Variants in DIDO1 observed in about 807,000 individuals in gnomAD.
DIDO1 encodes death-inducer obliterator 1.
DIDO1 carries 16 observed loss-of-function variants against 99.4 expected under a neutral mutation model. The ratio of observed to expected loss-of-function variants is 0.16; its 90% CI spans 0.11 to 0.24. The LOEUF is 0.24. DIDO1 is among the 10% of genes least tolerant of loss of function. The probability of loss-of-function intolerance (pLI) is 1.00; values close to 1 mark genes in which losing one functional copy is unlikely to be tolerated. For missense variants in DIDO1, 2,996 were observed against 3,014.0 expected (o/e 0.99, Z 0.14); for synonymous variants, 1,366 against 1,239.1 (o/e 1.10, Z -2.15).
intron 1 of DIDO1, among the ~76,000 whole-genome samples, chr20:62,935,994 G>A (rs955999078): frequency 2.0e-5 from 3 of 152,232 alleles, no homozygotes; most frequent in African/African-American, 7.2e-5. Flanking sequence ...TTGGGAGGAG[G>A]AGCATTAACC....
chr20:62,905,830 T>C, intron 6 of DIDO1, 57 bp downstream of exon 6: 1 of 1,613,998 alleles, frequency 6.2e-7, no homozygotes, highest in African/African-American at 1.3e-5. Flanking sequence ...GCCCAGGGGA[T>C]GGCTATCCAG....
chr20:62,882,552 T>C (rs904178937), intron 15 of DIDO1, 138 bp from the exon 16 acceptor site: 67 of 890,698 alleles, frequency 7.5e-5, no homozygotes, highest in Non-Finnish European at 1.1e-4. Flanking sequence ...TAAGATCAAG[T>C]GTCAAGACAG....
chr20:62,925,628 C>A (rs1259152468), intron 1 of DIDO1, among the ~76,000 whole-genome samples: 1 of 152,204 alleles, frequency 6.6e-6, no homozygotes, highest in African/African-American at 2.4e-5. Flanking sequence ...TATTAAAGTC[C>A]TTTATTTAGA....
In DIDO1 at chr20:62,880,292, C is replaced by G. The variant is rs759703791; in HGVS notation, c.5664G>C (p.Gln1888His). The change falls in exon 16 of 16, where the codon CAG becomes CAC. Residue 1888 changes from glutamine (Q) to histidine (H), a missense_variant. Physicochemically the swap from Gln to His is conservative, Grantham distance 24. This residue lies in a region of DIDO1 where 1,562 missense variants were observed against 1,412.6 expected (regional missense o/e 1.11). Transcript: ENST00000395343. ...FLGSRGGAPFQFGGQRRPLLS... is the reference protein window; with the variant it reads ...FLGSRGGAPFHFGGQRRPLLS... ...GCAGTGGCCTTCTCTGGCCTCCGAACTGGAAAGGCGCGCCGCCTCTGCTTC... is the reference window on the plus strand; with the variant it reads ...GCAGTGGCCTTCTCTGGCCTCCGAAGTGGAAAGGCGCGCCGCCTCTGCTTC... 1.2e-6 allele frequency: 2 copies of G among 1,612,786 alleles called. No individual in the cohort carries two copies. The highest frequency in any genetic ancestry group is 8.5e-7 in the Non-Finnish European group (1 of 1,179,966).
intron 2 of DIDO1, among the ~76,000 whole-genome samples, chr20:62,913,843 C>T (rs2064991821): frequency 6.6e-6 from 1 of 152,214 alleles, no homozygotes; most frequent in Non-Finnish European, 1.5e-5. Context: ...ACTGGGTTCT[C>T]ATTAAAGAGA....
chr20:62,930,266 C>T (rs965072472), upstream of DIDO1, among the ~76,000 whole-genome samples: 1 of 151,762 alleles, frequency 6.6e-6, no homozygotes, highest in African/African-American at 2.4e-5. Flanking sequence ...GCAAATGCTA[C>T]GTTTGTGCAT....
intron 12 of DIDO1, 48 bp from the exon 13 acceptor site, chr20:62,893,010 G>A (rs1568841594): frequency 2.6e-6 from 4 of 1,548,574 alleles, no homozygotes; most frequent in Non-Finnish European, 2.6e-6. Flanking sequence ...TCTGTGCAAT[G>A]AGAATTTCAA....
intron 1 of DIDO1, among the ~76,000 whole-genome samples, chr20:62,916,037 A>G (rs1259832266): frequency 2.0e-5 from 3 of 152,186 alleles, no homozygotes; most frequent in African/African-American, 4.8e-5. Context: ...AAAATTTACT[A>G]TAACATTTCA....
upstream of DIDO1, among the ~76,000 whole-genome samples, chr20:62,927,745 T>C (rs1184442056): frequency 1.3e-5 from 2 of 152,244 alleles, no homozygotes; most frequent in Non-Finnish European, 2.9e-5. Flanking sequence ...CCGCTGAAGA[T>C]TACAGGGTCT....
chr20:62,909,877 G>A lies in DIDO1; in HGVS notation c.983C>T (p.Thr328Ile). 1 of 1,614,188 alleles carries A rather than the reference G, an allele frequency of 6.2e-7. No individual in the cohort carries two copies. The highest frequency in any genetic ancestry group is 2.2e-5 in the East Asian group (1 of 44,884). The change falls in exon 4 of 16, where the codon ACT becomes ATT. Residue 328 changes from threonine to isoleucine, a missense_variant. Thr to Ile is a moderately conservative substitution (Grantham distance 89). Transcript: ENST00000395343. ...NCTILQVQDE[T>I]HSETADQQEA... ...CTGCTGATCTGCCGTTTCTGAATGAGTCTCATCCTGCACTTGCAGAATGGT... is the reference window on the plus strand; with the variant it reads ...CTGCTGATCTGCCGTTTCTGAATGAATCTCATCCTGCACTTGCAGAATGGT...
chr20:62,893,097 C>A (rs1226223159), intron 12 of DIDO1, 135 bp from the exon 13 acceptor site: 1 of 934,644 alleles, frequency 1.1e-6, no homozygotes, highest in East Asian at 2.7e-5. Context: ...TGCAACACAG[C>A]TGGCTGCAGT....
At chr20:62,886,092 G>A (rs1349444750) in intron 15 of DIDO1, among the ~76,000 whole-genome samples, 1 of 152,240 alleles carries the variant, frequency 6.6e-6, no homozygotes, top group Non-Finnish European at 1.5e-5. Flanking sequence ...GTTGCGGGTG[G>A]CACAGGGCAC....
intron 1 of DIDO1, among the ~76,000 whole-genome samples, chr20:62,922,263 TAC>T (rs921119615): frequency 1.1e-4 from 17 of 147,904 alleles, no homozygotes; most frequent in East Asian, 2.0e-4. Context: ...CACATATATA[TAC>T]ACACACACAC....
At position 62,896,362 on chromosome 20, in the gene DIDO1, T is replaced by C. The variant is rs2064521426; in HGVS notation, c.2085A>G (p.Thr695=). The C allele has an allele frequency of 6.2e-7, 1 of 1,614,150 alleles. No individual in the cohort carries two copies. The highest frequency in any genetic ancestry group is 8.5e-7 in the Non-Finnish European group (1 of 1,180,020). ...GGGCAATTTTTCCTACTTCGTTTTC[T>C]GTCATGATTAAGTCATCGCTGTCAT... is the stretch of plus-strand genomic sequence containing the variant. The part of the protein sequence containing the change: ...RVNDSDDLIM[T]ENEVGKIALH... Residue 695 remains threonine, a synonymous_variant, in exon 8 of 16, where the codon ACA becomes ACG. Transcript: ENST00000395343. This position sits in a 1 kb window ranked among gnomAD's most constrained non-coding sequence, Gnocchi z 4.4.
chr20:62,926,647 CCGGACGCGCCCTT>C (rs1317457752), upstream of DIDO1: 1 of 152,288 alleles, frequency 6.6e-6, no homozygotes, highest in African/African-American at 2.4e-5. Context: ...TACCTGCACT[CCGGACGCGCCCTT>C]CGGGTCTGCA....
chr20:62,890,256 A>G, intron 15 of DIDO1: 1 of 986,010 alleles, frequency 1.0e-6, no homozygotes, highest in South Asian at 4.7e-5. Flanking sequence ...TGGGCATCAG[A>G]TACTAACCCC....
chr20:62,905,813 T>C, intron 6 of DIDO1, 74 bp downstream of exon 6: 3 of 1,613,812 alleles, frequency 1.9e-6, no homozygotes, highest in Non-Finnish European at 2.5e-6. Context: ...CTCCCAGTCC[T>C]GGACAGGCCC....
At chr20:62,908,536 G>A (rs1355419812) in intron 4 of DIDO1, among the ~76,000 whole-genome samples, 2 of 152,180 alleles carry the variant, frequency 1.3e-5, no homozygotes, top group African/African-American at 4.8e-5. Context: ...AGTCTGTCTC[G>A]ATGATCAGGC....
intron 1 of DIDO1, among the ~76,000 whole-genome samples, chr20:62,934,727 C>G (rs2065364818): frequency 6.6e-6 from 1 of 152,224 alleles, no homozygotes; most frequent in Admixed American, 6.5e-5. Flanking sequence ...ACTTCTTGCT[C>G]TCTCACCAAA....
Sources: allele counts gnomAD v4.1 joint callset (sites outside exome capture counted in the v4.1 genomes callset), GRCh38; gene constraint gnomAD v4.1.1; regional missense constraint gnomAD v4.1.1; non-coding constraint Gnocchi (gnomAD v3.1); transcripts MANE v1.5; gene names NCBI Gene and HGNC (gene_info 2026-07-23, HGNC 2026-07-21).